The following CELF2 variants were observed in gnomAD, a reference collection of about 807,000 sequenced individuals.
CELF2 encodes CUGBP Elav-like family member 2.
In CELF2, 8 loss-of-function variants were observed where a neutral mutation model predicts 62.6. The observed-to-expected ratio is 0.13, with a 90% confidence interval of 0.07 to 0.23. CELF2 has a LOEUF of 0.23. Among genes scored for constraint, CELF2 ranks in the 10% least tolerant of loss-of-function variants. The pLI is 1.00. For missense variants in CELF2, 333 were observed against 671.0 expected, an observed-to-expected ratio of 0.50 and a Z score of 5.56; for synonymous variants, 258 against 250.0, an observed-to-expected ratio of 1.03 and a Z score of -0.30.
chr10:10,837,387 G>A (rs1379896138), intron 1 of CELF2, among the ~76,000 whole-genome samples: 2 of 152,166 alleles, frequency 1.3e-5, no homozygotes, highest in Non-Finnish European at 2.9e-5. Context: ...GGAACTATGA[G>A]TCCATTAAAC....
intron 2 of CELF2, among the ~76,000 whole-genome samples, chr10:11,174,452 C>T (rs2070234236): frequency 6.6e-6 from 1 of 152,188 alleles, no homozygotes; most frequent in Non-Finnish European, 1.5e-5. Context: ...AGACATGTTT[C>T]TAATCCAGTA....
the CELF2 span, among the ~76,000 whole-genome samples, chr10:10,770,179 C>G: frequency 4.8e-3 from 731 of 152,168 alleles, 4 homozygotes; most frequent in African/African-American, 0.01. Flanking sequence ...AAGAGGTATA[C>G]AGGCTTGGCA....
the CELF2 span, among the ~76,000 whole-genome samples, chr10:10,493,280 G>C: frequency 6.6e-6 from 1 of 152,110 alleles, no homozygotes; most frequent in Admixed American, 6.6e-5. Context: ...TCTGGGGAGA[G>C]GGGGCATGGA....
chr10:10,550,831 TG>T, the CELF2 span, among the ~76,000 whole-genome samples: 1 of 152,108 alleles, frequency 6.6e-6, no homozygotes, highest in Non-Finnish European at 1.5e-5. Context: ...CCCGAGTGGC[TG>T]GGATTACAGG....
intron 1 of CELF2, among the ~76,000 whole-genome samples, chr10:11,138,713 A>C (rs563294266): frequency 9.1e-4 from 138 of 152,384 alleles, no homozygotes; most frequent in African/African-American, 3.2e-3. Context: ...AAAGAAGCCA[A>C]GATGCTAAAA....
chr10:11,201,525 G>T (rs1243782841), intron 2 of CELF2, among the ~76,000 whole-genome samples: 1 of 152,246 alleles, frequency 6.6e-6, no homozygotes, highest in East Asian at 1.9e-4. Flanking sequence ...CTCTTAAGCA[G>T]CACAGGTCAC....
At chr10:10,487,558 T>C in the CELF2 span, among the ~76,000 whole-genome samples, 1 of 152,166 alleles carries the variant, frequency 6.6e-6, no homozygotes, top group Non-Finnish European at 1.5e-5. Flanking sequence ...CATCCTTCCA[T>C]TGGGTATTAC....
chr10:10,629,560 A>G, the CELF2 span, among the ~76,000 whole-genome samples: 1 of 152,116 alleles, frequency 6.6e-6, no homozygotes, highest in Non-Finnish European at 1.5e-5. Flanking sequence ...GATAAAGTCT[A>G]TCATGCTTTC....
At chr10:10,464,034 A>G in the CELF2 span, among the ~76,000 whole-genome samples, 1 of 151,532 alleles carries the variant, frequency 6.6e-6, no homozygotes, top group Non-Finnish European at 1.5e-5. Flanking sequence ...GGCATTCCAT[A>G]CGCTGGTAAC....
At chr10:10,728,452 CAAAAAAAAA>C in the CELF2 span, among the ~76,000 whole-genome samples, 2,879 of 81,508 alleles carry the variant, frequency 0.035, 54 homozygotes, top group Middle Eastern at 0.056. Flanking sequence ...GACTCTGTTT[CAAAAAAAAA>C]AAAAAAAAAA....
At chr10:11,184,532 G>A (rs2074320415) in intron 2 of CELF2, among the ~76,000 whole-genome samples, 1 of 152,216 alleles carries the variant, frequency 6.6e-6, no homozygotes, top group Non-Finnish European at 1.5e-5. Flanking sequence ...AAACCATGAA[G>A]TGGTATATTT....
intron 3 of CELF2, among the ~76,000 whole-genome samples, chr10:11,219,310 A>G (rs1463714822): frequency 6.6e-6 from 1 of 152,178 alleles, no homozygotes; most frequent in Non-Finnish European, 1.5e-5. Flanking sequence ...TCTGTTTGGG[A>G]TTCTTACACT....
At chr10:11,253,917 T>C (rs1473007781) in intron 4 of CELF2, among the ~76,000 whole-genome samples, 1 of 152,232 alleles carries the variant, frequency 6.6e-6, no homozygotes, top group Non-Finnish European at 1.5e-5. Context: ...GTTTTTTTGT[T>C]TTGTTTTGTT....
At chr10:10,664,176 C>T in the CELF2 span, among the ~76,000 whole-genome samples, 7 of 152,166 alleles carry the variant, frequency 4.6e-5, no homozygotes, top group Admixed American at 2.6e-4. Flanking sequence ...ATTTTCTCAG[C>T]AACTAAAAAT....
At chr10:10,916,190 A>G (rs2064302632) in intron 1 of CELF2, among the ~76,000 whole-genome samples, 1 of 152,346 alleles carries the variant, frequency 6.6e-6, no homozygotes, top group Middle Eastern at 3.4e-3. Context: ...AAACAGATAA[A>G]AACAAACAAA....
chr10:10,599,950 C>T, the CELF2 span, among the ~76,000 whole-genome samples: 1,044 of 152,220 alleles, frequency 6.9e-3, 4 homozygotes, highest in South Asian at 0.036. Flanking sequence ...CCAGGGTGGT[C>T]TCGATCTCCT....
chr10:10,951,447 A>G lies in CELF2; in HGVS notation c.89+31448A>G, dbSNP rs981847378. Reference sequence around the variant, plus strand: ...TTACTACACCTGGCCCTTCTCCAACACAAAAAAAAGATTTTTATAGTATCA... The same window carrying G: ...TTACTACACCTGGCCCTTCTCCAACGCAAAAAAAAGATTTTTATAGTATCA... On this transcript the variant is annotated intron_variant, in intron 2 of 13. Transcript: ENST00000636488. Among the ~76,000 whole-genome samples, 17 of 152,294 alleles carry G rather than the reference A, an allele frequency of 1.1e-4. No homozygotes were observed. In the South Asian group the frequency reaches 3.1e-3, roughly 28 times the overall value.
At chr10:11,149,182 T>A (rs1321642705) in intron 1 of CELF2, among the ~76,000 whole-genome samples, 1 of 152,146 alleles carries the variant, frequency 6.6e-6, no homozygotes, top group Non-Finnish European at 1.5e-5. Flanking sequence ...GCGATTCTCA[T>A]GCCTCAGCCT....
In CELF2 at chr10:11,159,879, G is replaced by C. The variant is rs1230865160; in HGVS notation, c.75-5607G>C. On this transcript the variant is annotated intron_variant, in intron 1 of 12. Coordinates refer to ENST00000633077, the MANE Select transcript of CELF2 (RefSeq NM_001326342.2). This position sits in a 1 kb window ranked among gnomAD's most constrained non-coding sequence, Gnocchi z 5.0. ...AGCCCTTTGAAAGAGTGGCTTGTTA[G>C]CTACAGAAATGATGGGACTGAAGTT... is the stretch of plus-strand genomic sequence containing the variant. Among the ~76,000 whole-genome samples the C allele has an allele frequency of 2.0e-5, 3 of 152,136 alleles. No homozygotes were observed. The highest frequency in any genetic ancestry group is 4.4e-5 in the Non-Finnish European group (3 of 68,018).
Sources: allele counts gnomAD v4.1 joint callset (sites outside exome capture counted in the v4.1 genomes callset), GRCh38; gene constraint gnomAD v4.1.1; non-coding constraint Gnocchi (gnomAD v3.1); transcripts MANE v1.5; gene names NCBI Gene and HGNC (gene_info 2026-07-23, HGNC 2026-07-21).